The following COP1 variants were observed in gnomAD, a reference collection of about 807,000 sequenced individuals.
The protein encoded by COP1 is E3 ubiquitin-protein ligase COP1.
Under a neutral mutation model 101.3 loss-of-function variants are expected in COP1, and 24 were observed. The observed-to-expected ratio is 0.24, with a 90% confidence interval of 0.17 to 0.33. The LOEUF (loss-of-function observed/expected upper bound fraction) is 0.33. Ranked by LOEUF, COP1 falls within the 10% of genes least tolerant of loss-of-function variation. The probability of loss-of-function intolerance (pLI) is 1.00; values close to 1 mark genes in which losing one functional copy is unlikely to be tolerated. For missense variants in COP1, 663 were observed against 906.2 expected, an observed-to-expected ratio of 0.73 and a Z score of 3.45; for synonymous variants, 347 against 341.9, an observed-to-expected ratio of 1.01 and a Z score of -0.17.
intron 2 of COP1, among the ~76,000 whole-genome samples, chr1:176,178,349 A>T (rs2481659): frequency 0.29 from 43,345 of 150,816 alleles, 7,038 homozygotes; most frequent in East Asian, 0.52. Context: ...AAAAAAAAAA[A>T]AATAATAATA....
chr1:176,168,293 G>A lies in COP1; in HGVS notation c.566-4402C>T, dbSNP rs186095108. ...AGGCTGGTCTAGAACTCCTGACCTC[G>A]TGATCCGCCCGTGTCAGACTCTCAA... On this transcript the variant is annotated intron_variant, in intron 3 of 19. Coordinates refer to ENST00000367669, the MANE Select transcript of COP1 (RefSeq NM_022457.7). Among the ~76,000 whole-genome samples the A allele has an allele frequency of 2.6e-3, 398 of 151,678 alleles. 3 individuals carry two copies. Among genetic ancestry groups the A allele is most frequent in the African/African-American group, 9.2e-3 (379 of 41,296 alleles).
chr1:176,116,524 T>C (rs776391772), intron 9 of COP1, 100 bp downstream of exon 9: 3 of 922,240 alleles, frequency 3.3e-6, no homozygotes, highest in Non-Finnish European at 5.2e-6. Flanking sequence ...TTCAAAATGG[T>C]TGTCTTTGTG....
chr1:176,135,081 C>A lies in COP1; in HGVS notation c.897G>T (p.Met299Ile), dbSNP rs1689580010. Residue 299 changes from methionine (M) to isoleucine (I), a missense_variant, in exon 8 of 20, where the codon ATG becomes ATT. By Grantham distance (10) the Met-to-Ile change is conservative. Around this residue, in one of 4 missense-constraint regions of COP1, gnomAD observed 212 missense variants for 240.7 expected, o/e 0.88. Transcript: ENST00000367669. ...CACTGACAGGAGAGTATAAGCCACT[C>A]ATTTCCTGAAAATAAAATTATTTGA... ...LEEDIKRVEE[M>I]SGLYSPVSED... 3 of 1,596,420 alleles carry A rather than the reference C, an allele frequency of 1.9e-6. No homozygotes were observed. The highest frequency in any genetic ancestry group is 2.6e-6 in the Non-Finnish European group (3 of 1,166,260).
chr1:176,051,819 A>T (rs1013238397), intron 11 of COP1, among the ~76,000 whole-genome samples: 1 of 152,188 alleles, frequency 6.6e-6, no homozygotes, highest in Non-Finnish European at 1.5e-5. Context: ...AATTAAAATT[A>T]AATTTTAAAT....
chr1:176,065,704 ATTTT>A (rs1203707183), intron 11 of COP1, among the ~76,000 whole-genome samples: 8 of 114,464 alleles, frequency 7.0e-5, no homozygotes, highest in African/African-American at 2.2e-4. Context: ...GGGGATAATG[ATTTT>A]TTTTTTTTTT....
At chr1:176,181,171 A>T (rs1353316581) in intron 2 of COP1, among the ~76,000 whole-genome samples, 6 of 152,156 alleles carry the variant, frequency 3.9e-5, no homozygotes, top group Non-Finnish European at 8.8e-5. Flanking sequence ...TTCCTGCTAT[A>T]TTGTCTCCAA....
intron 19 of COP1, 32 bp from the exon 20 acceptor site, chr1:175,945,202 A>C: frequency 6.7e-7 from 1 of 1,485,800 alleles, no homozygotes; most frequent in East Asian, 2.3e-5. Flanking sequence ...TCCATTTAAT[A>C]AAATCATTTA....
Position 176,206,689 on chromosome 1 carries a change from G to C in COP1, c.290C>G (p.Ala97Gly). The change falls in exon 1 of 20, where the codon GCC becomes GGC. Residue 97 changes from alanine to glycine, a missense_variant. Around this residue, in one of 4 missense-constraint regions of COP1, gnomAD observed 204 missense variants for 203.6 expected, o/e 1.00. Coordinates refer to ENST00000367669, the MANE Select transcript of COP1 (RefSeq NM_022457.7). ...SRHSCAARPSAGVGGSSSSLG... is the reference protein window; with the variant it reads ...SRHSCAARPSGGVGGSSSSLG... Reference sequence around the variant, plus strand: ...GCTGGAGCTGCTGCCTCCTACGCCGGCGCTGGGCCTGGCCGCGCAGCTGTG... The same window carrying C: ...GCTGGAGCTGCTGCCTCCTACGCCGCCGCTGGGCCTGGCCGCGCAGCTGTG... 6.2e-7 allele frequency: 1 copy of C among 1,606,848 alleles called. No individual in the cohort carries two copies.
At chr1:176,063,220 T>C (rs1048362761) in intron 11 of COP1, among the ~76,000 whole-genome samples, 5 of 151,702 alleles carry the variant, frequency 3.3e-5, no homozygotes, top group African/African-American at 9.7e-5. Context: ...CCACCGCGCC[T>C]GGCTAATTTT....
intron 11 of COP1, among the ~76,000 whole-genome samples, chr1:176,076,811 A>T (rs182047228): frequency 1.3e-5 from 2 of 152,302 alleles, no homozygotes; most frequent in Admixed American, 1.3e-4. Context: ...CCACAGAAAT[A>T]CAAAAGATTC....
At chr1:176,003,606 G>A (rs1042613768) in intron 15 of COP1, among the ~76,000 whole-genome samples, 4 of 151,916 alleles carry the variant, frequency 2.6e-5, no homozygotes, top group Non-Finnish European at 5.9e-5. Context: ...ATTAAATAGG[G>A]AATCCTTTCC....
chr1:176,074,227 T>C (rs73040925), intron 11 of COP1, among the ~76,000 whole-genome samples: 6,980 of 152,286 alleles, frequency 0.046, 330 homozygotes, highest in South Asian at 0.14. Flanking sequence ...TCACCTGGCC[T>C]CTTTATTCCT....
intron 5 of COP1, among the ~76,000 whole-genome samples, chr1:176,162,283 T>C (rs553505557): frequency 6.6e-6 from 1 of 152,316 alleles, no homozygotes; most frequent in South Asian, 2.1e-4. Context: ...TATTTGCTTA[T>C]GCTAAGGTGT....
chr1:176,027,384 A>T (rs1667858460), intron 15 of COP1, among the ~76,000 whole-genome samples, 188 bp downstream of exon 15: 1 of 152,232 alleles, frequency 6.6e-6, no homozygotes, highest in Non-Finnish European at 1.5e-5. Context: ...GATAAGTGAC[A>T]GAATAGTGCA....
intron 10 of COP1, among the ~76,000 whole-genome samples, chr1:176,082,261 C>T (rs1029865039): frequency 6.6e-6 from 1 of 152,122 alleles, no homozygotes; most frequent in Non-Finnish European, 1.5e-5. Flanking sequence ...ATTTTCATAG[C>T]TTCTTTATTC....
chr1:176,137,702 T>C (rs897895604), intron 6 of COP1, among the ~76,000 whole-genome samples: 2 of 152,306 alleles, frequency 1.3e-5, no homozygotes, highest in South Asian at 2.1e-4. Flanking sequence ...TTACTACCTA[T>C]TGAAAACAGT....
chr1:176,187,643 A>G (rs1286791668), intron 1 of COP1, among the ~76,000 whole-genome samples: 1 of 152,156 alleles, frequency 6.6e-6, no homozygotes, highest in Non-Finnish European at 1.5e-5. Context: ...TGTGACTTTG[A>G]GCAAGTAGTT....
At chr1:176,039,596 C>A (rs2149151148) in intron 14 of COP1, among the ~76,000 whole-genome samples, 1 of 151,972 alleles carries the variant, frequency 6.6e-6, no homozygotes, top group South Asian at 2.1e-4. Flanking sequence ...AAAAAAATTA[C>A]CTTAAAATTC....
chr1:176,147,596 A>G (rs1691760112), intron 6 of COP1, among the ~76,000 whole-genome samples: 1 of 152,220 alleles, frequency 6.6e-6, no homozygotes, highest in Non-Finnish European at 1.5e-5. Context: ...AGAAAAGAAA[A>G]AAAAATTAAT....
Sources: allele counts gnomAD v4.1 joint callset (sites outside exome capture counted in the v4.1 genomes callset), GRCh38; gene constraint gnomAD v4.1.1; regional missense constraint gnomAD v4.1.1; transcripts MANE v1.5; gene names NCBI Gene and HGNC (gene_info 2026-07-23, HGNC 2026-07-21).